The following TPRG1 variants were observed in gnomAD, a reference collection of about 807,000 sequenced individuals.
The protein encoded by TPRG1 is tumor protein p63 regulated 1, also known as tumor protein p63-regulated gene 1 protein.
TPRG1 carries 29 observed loss-of-function variants against 29.3 expected under a neutral mutation model. The observed-to-expected ratio is 0.99, with a 90% confidence interval of 0.74 to 1.35. TPRG1 has a LOEUF of 1.35. Among genes scored for constraint, TPRG1 ranks in the 40% most tolerant of loss-of-function variants. The probability of loss-of-function intolerance (pLI) is 0.00; values close to 1 mark genes in which losing one functional copy is unlikely to be tolerated. For synonymous variants in TPRG1, 130 were observed against 116.8 expected (o/e 1.11, Z -0.73); for missense variants, 327 against 335.0 (o/e 0.98, Z 0.19).
intron 1 of TPRG1, among the ~76,000 whole-genome samples, chr3:189,182,085 T>A (rs1443577271): frequency 6.6e-6 from 1 of 152,124 alleles, no homozygotes; most frequent in Non-Finnish European, 1.5e-5. Flanking sequence ...TTCAATTACC[T>A]CCCACTGGGT....
intron 3 of TPRG1, among the ~76,000 whole-genome samples, chr3:189,228,001 G>A (rs1738030521): frequency 6.6e-6 from 1 of 152,028 alleles, no homozygotes; most frequent in Non-Finnish European, 1.5e-5. Context: ...GGCGCCTGTA[G>A]TCCCAGCTAC....
chr3:189,108,784 C>T (rs1720128356), intron 1 of TPRG1, among the ~76,000 whole-genome samples: 1 of 152,028 alleles, frequency 6.6e-6, no homozygotes, highest in African/African-American at 2.4e-5. Context: ...TTTCTATCTT[C>T]CTGTAAAAGA....
chr3:189,243,562 A>G (rs1369813238), intron 4 of TPRG1, among the ~76,000 whole-genome samples: 1 of 151,764 alleles, frequency 6.6e-6, no homozygotes, highest in Non-Finnish European at 1.5e-5. Context: ...TTTTCCTACC[A>G]TATGGCCAGT....
At chr3:189,172,958 G>A (rs1318727263) in intron 1 of TPRG1, among the ~76,000 whole-genome samples, 1 of 152,150 alleles carries the variant, frequency 6.6e-6, no homozygotes, top group Non-Finnish European at 1.5e-5. Context: ...ATGTAGAAAA[G>A]CAAATCTCAA....
intron 1 of TPRG1, among the ~76,000 whole-genome samples, chr3:189,179,311 A>T (rs1729905627): frequency 6.6e-6 from 1 of 152,196 alleles, no homozygotes; most frequent in South Asian, 2.1e-4. Flanking sequence ...TCCAGAATGG[A>T]AAGCTTTGCA....
At chr3:189,200,341 G>C (rs1371593203) in intron 1 of TPRG1, among the ~76,000 whole-genome samples, 1 of 152,216 alleles carries the variant, frequency 6.6e-6, no homozygotes, top group Non-Finnish European at 1.5e-5. Context: ...AGGTGTTAGA[G>C]TATTGTTGTT....
At chr3:189,250,515 C>A (rs529876811) in intron 4 of TPRG1, among the ~76,000 whole-genome samples, 1 of 106,704 alleles carries the variant, frequency 9.4e-6, no homozygotes, top group Non-Finnish European at 2.0e-5. Flanking sequence ...CCCCCCCCCC[C>A]CCACCCAGAT....
At chr3:188,999,452 C>T (rs948324851) in intron 1 of TPRG1, among the ~76,000 whole-genome samples, 3 of 152,120 alleles carry the variant, frequency 2.0e-5, no homozygotes, top group Non-Finnish European at 4.4e-5. Flanking sequence ...ATTTCTCCAC[C>T]ACAGTATGGA....
intron 4 of TPRG1, among the ~76,000 whole-genome samples, chr3:189,031,827 G>A (rs1713950085): frequency 6.6e-6 from 1 of 152,146 alleles, no homozygotes; most frequent in African/African-American, 2.4e-5. Flanking sequence ...CAAAGATCTT[G>A]TTTTAAAGCA....
chr3:189,173,734 C>T (rs924159699), intron 1 of TPRG1, among the ~76,000 whole-genome samples: 13 of 151,904 alleles, frequency 8.6e-5, no homozygotes, highest in African/African-American at 2.9e-4. Flanking sequence ...TCTTTCATTG[C>T]CCACAATATG....
chr3:189,027,752 G>A (rs1372337759), intron 4 of TPRG1, among the ~76,000 whole-genome samples: 1 of 152,140 alleles, frequency 6.6e-6, no homozygotes, highest in Non-Finnish European at 1.5e-5. Context: ...GAAAGGAAGT[G>A]ATTCCAATGG....
intron 3 of TPRG1, among the ~76,000 whole-genome samples, chr3:189,220,833 C>T (rs186561023): frequency 8.5e-5 from 13 of 152,230 alleles, no homozygotes; most frequent in Admixed American, 2.6e-4. Context: ...TTTCTTTATC[C>T]AGTCTAGTAT....
At chr3:189,056,493 T>C (rs1161729711) in intron 4 of TPRG1, among the ~76,000 whole-genome samples, 3 of 152,160 alleles carry the variant, frequency 2.0e-5, no homozygotes, top group African/African-American at 7.2e-5. Flanking sequence ...CCTCAATAAA[T>C]GTTGAGTAAA....
chr3:189,276,571 C>T (rs2109111464), intron 4 of TPRG1, among the ~76,000 whole-genome samples: 1 of 152,240 alleles, frequency 6.6e-6, no homozygotes, highest in Non-Finnish European at 1.5e-5. Context: ...AGTCATAAGA[C>T]AAGTGCCCAA....
At chr3:189,108,736 T>G (rs1045281263) in intron 1 of TPRG1, among the ~76,000 whole-genome samples, 1 of 152,068 alleles carries the variant, frequency 6.6e-6, no homozygotes, top group Non-Finnish European at 1.5e-5. Flanking sequence ...TAACCAACAT[T>G]TATGGTACCT....
intron 3 of TPRG1, among the ~76,000 whole-genome samples, chr3:189,230,434 C>CAAAA (rs368624963): frequency 6.8e-6 from 1 of 147,544 alleles, no homozygotes; most frequent in African/African-American, 2.5e-5. Context: ...TCATAAATTG[C>CAAAA]AAAAAAAAAA....
chr3:189,154,722 C>T (rs982697737), intron 5 of TPRG1, among the ~76,000 whole-genome samples: 1 of 152,162 alleles, frequency 6.6e-6, no homozygotes, highest in African/African-American at 2.4e-5. Context: ...GGATTACAGG[C>T]AGGAGCCACT....
intron 4 of TPRG1, among the ~76,000 whole-genome samples, chr3:189,054,274 A>G (rs1457080574): frequency 6.6e-6 from 1 of 152,082 alleles, no homozygotes; most frequent in Non-Finnish European, 1.5e-5. Context: ...CAGTCAGAGT[A>G]TACACATTTG....
At chr3:189,000,564 T>C (rs184698846) in intron 1 of TPRG1, among the ~76,000 whole-genome samples, 1 of 152,242 alleles carries the variant, frequency 6.6e-6, no homozygotes, top group Admixed American at 6.5e-5. Flanking sequence ...TTTTTAAAAA[T>C]GGAACACACT....
Sources: gnomAD v4.1 joint callset for allele counts (sites outside exome capture counted in the v4.1 genomes callset) on GRCh38, gnomAD v4.1.1 for gene constraint, MANE v1.5 for transcripts, NCBI Gene and HGNC (gene_info 2026-07-23, HGNC 2026-07-21) for gene names.